The following PTER variants were observed in gnomAD, a reference collection of about 807,000 sequenced individuals.
PTER encodes the protein phosphotriesterase related, also known as N-acetyltaurine hydrolase.
PTER carries 38 observed loss-of-function variants against 29.6 expected under a neutral mutation model. The ratio of observed to expected loss-of-function variants is 1.28; its 90% CI spans 0.99 to 1.68. The LOEUF (loss-of-function observed/expected upper bound fraction) is 1.68, where lower values mean the gene tolerates loss of function less well. PTER is among the 40% of genes most tolerant of loss of function. The pLI, the probability that PTER is intolerant of heterozygous loss-of-function variation, is 0.00. For synonymous variants in PTER, 172 were observed against 154.5 expected, an observed-to-expected ratio of 1.11 and a Z score of -0.84; for missense variants, 482 against 427.8, an observed-to-expected ratio of 1.13 and a Z score of -1.12.
chr10:16,485,095 ATAGT>A (rs1835644275), intron 2 of PTER, among the ~76,000 whole-genome samples: 1 of 152,220 alleles, frequency 6.6e-6, no homozygotes, highest in Admixed American at 6.5e-5. Flanking sequence ...CAACGTGATA[ATAGT>A]TAGATTTGTG....
intron 1 of PTER, among the ~76,000 whole-genome samples, chr10:16,451,891 T>G (rs955252744): frequency 1.3e-5 from 2 of 152,136 alleles, no homozygotes; most frequent in Non-Finnish European, 2.9e-5. Context: ...GCCCTTTAAT[T>G]TTTGGAAACT....
At chr10:16,492,891 G>A (rs1012249296) in intron 3 of PTER, among the ~76,000 whole-genome samples, 1 of 152,194 alleles carries the variant, frequency 6.6e-6, no homozygotes, top group African/African-American at 2.4e-5. Context: ...TTAGGGAACT[G>A]GCCGACAGCA....
chr10:16,499,580 C>G (rs1354289272), intron 3 of PTER, among the ~76,000 whole-genome samples: 1 of 151,794 alleles, frequency 6.6e-6, no homozygotes, highest in Non-Finnish European at 1.5e-5. Flanking sequence ...TAGCTGGGAC[C>G]CCGGGTGTGC....
At chr10:16,490,468 C>G (rs184174326) in intron 3 of PTER, among the ~76,000 whole-genome samples, 1 of 152,040 alleles carries the variant, frequency 6.6e-6, no homozygotes, top group Non-Finnish European at 1.5e-5. Context: ...CAGTTCAAGC[C>G]CAAGCTCTGT....
Position 16,493,628 on chromosome 10 carries a change from AT to A in PTER, c.698+7013del, listed in dbSNP as rs547877228. 1.2e-3 allele frequency among the ~76,000 whole-genome samples: 184 copies of A among 150,996 alleles called. 1 individual carries two copies. The highest frequency in any genetic ancestry group is 4.3e-3 in the African/African-American group (175 of 41,014). On this transcript the variant is annotated intron_variant, in intron 3 of 4. Coordinates refer to ENST00000535784, the MANE Select transcript of PTER (RefSeq NM_001261836.2). ...AAATTTCCCCACCCCTGCCCTAGTT[AT>A]TGTTTACTGTGTATTTTCTCTCAAC...
intron 1 of PTER, among the ~76,000 whole-genome samples, chr10:16,454,977 C>G (rs939637232): frequency 1.3e-5 from 2 of 152,100 alleles, no homozygotes; most frequent in Non-Finnish European, 2.9e-5. Context: ...GCCTGTGATC[C>G]CAGCACTTTG....
At chr10:16,458,751 C>T (rs1330212764) in intron 1 of PTER, among the ~76,000 whole-genome samples, 1 of 152,152 alleles carries the variant, frequency 6.6e-6, no homozygotes, top group East Asian at 1.9e-4. Context: ...AGCTGCTTCT[C>T]CAGATTTGCT....
rs538724828 is a variant in PTER, at chr10:16,505,061, T to C, written c.740T>C (p.Leu247Pro). 5 of 1,614,054 alleles carry C rather than the reference T, an allele frequency of 3.1e-6. No individual in the cohort carries two copies. The East Asian group carries it at 8.9e-5, about 29-fold the overall frequency. Reference sequence around the variant, plus strand: ...AAAGAGCTCTTGGAGTTTGCTCAACTTGGCTGCTACTTGGAATATGATCTC... The same window carrying C: ...AAAGAGCTCTTGGAGTTTGCTCAACCTGGCTGCTACTTGGAATATGATCTC... ...DKKELLEFAQ[L>P]GCYLEYDLFG... Residue 247 changes from leucine (L) to proline (P), a missense_variant, in exon 4 of 5, where the codon CTT (leucine) becomes CCT (proline). Coordinates refer to ENST00000535784, the MANE Select transcript of PTER (RefSeq NM_001261836.2).
At chr10:16,508,170 G>A (rs1264941710) in intron 4 of PTER, among the ~76,000 whole-genome samples, 2 of 147,130 alleles carry the variant, frequency 1.4e-5, no homozygotes, top group African/African-American at 2.5e-5. Context: ...CCAGGTTCAC[G>A]CCATTCTCCT....
intron 1 of PTER, among the ~76,000 whole-genome samples, chr10:16,466,849 G>A (rs1305257989): frequency 1.3e-5 from 2 of 152,098 alleles, no homozygotes; most frequent in Non-Finnish European, 2.9e-5. Flanking sequence ...AAAATTAAAC[G>A]GCCTTAGCAA....
Position 16,486,552 on chromosome 10 carries a change from G to A in PTER, c.633G>A (p.Gln211=). The change falls in exon 3 of 5, where the codon CAG becomes CAA. Residue 211 remains glutamine, a synonymous_variant. Transcript: ENST00000535784. ...GACGGAGCTCCAGGGCACCATTTCA[G>A]ATTATCCGAATATTGCAAGAAGCAG... ...HPGRSSRAPF[Q]IIRILQEAGA... is the part of the protein sequence containing the mutation. 1 of 1,613,940 alleles carries A rather than the reference G, an allele frequency of 6.2e-7. No individual in the cohort carries two copies. The highest frequency in any genetic ancestry group is 2.2e-5 in the East Asian group (1 of 44,868).
At chr10:16,488,648 G>T (rs142047568) in intron 3 of PTER, among the ~76,000 whole-genome samples, 1 of 151,630 alleles carries the variant, frequency 6.6e-6, no homozygotes, top group Non-Finnish European at 1.5e-5. Context: ...CTGTTGCCCA[G>T]GCTGGAGTGC....
At chr10:16,478,720 C>A (rs1835371495) in intron 1 of PTER, among the ~76,000 whole-genome samples, 1 of 152,042 alleles carries the variant, frequency 6.6e-6, no homozygotes, top group Non-Finnish European at 1.5e-5. Flanking sequence ...AGTTTGTAGA[C>A]CACAGTCTAC....
At chr10:16,489,059 A>G (rs184062362) in intron 3 of PTER, among the ~76,000 whole-genome samples, 8 of 152,318 alleles carry the variant, frequency 5.3e-5, no homozygotes, top group Admixed American at 5.2e-4. Context: ...CCAATTTGAT[A>G]TATGTAGGGC....
At chr10:16,514,463 T>A (rs528773119), downstream of PTER, 18 of 1,413,578 alleles carry the variant, frequency 1.3e-5, no homozygotes, top group South Asian at 2.1e-4. Context: ...GATCCTTGAT[T>A]CACTGACGTT....
chr10:16,512,040 T>G lies in PTER; in HGVS notation c.*784T>G, dbSNP rs1836830592. 6.6e-6 allele frequency: 1 copy of G among 151,652 alleles called. No individual in the cohort carries two copies. The highest frequency in any genetic ancestry group is 1.5e-5 in the Non-Finnish European group (1 of 67,944). 9.4% of individuals were successfully genotyped at this position (151,652 alleles called of 1,614,324 possible). A position where few individuals can be genotyped will look rare whatever the true frequency, so the allele number is the denominator to read the frequency against. ...TATAATAACAAAGGCCACAATTTAA[T>G]TAATTGGTAAGATATAATGCAAAAA... On this transcript the variant is annotated 3_prime_UTR_variant, in exon 5 of 5. Coordinates refer to ENST00000535784, the MANE Select transcript of PTER (RefSeq NM_001261836.2).
At chr10:16,448,497 G>A (rs1254215011) in intron 1 of PTER, among the ~76,000 whole-genome samples, 4 of 152,128 alleles carry the variant, frequency 2.6e-5, no homozygotes, top group African/African-American at 4.8e-5. Context: ...CAAATGCAGC[G>A]ACTTGTCCTT....
At chr10:16,459,834 G>A (rs976953073) in intron 1 of PTER, among the ~76,000 whole-genome samples, 2 of 152,014 alleles carry the variant, frequency 1.3e-5, no homozygotes, top group South Asian at 4.1e-4. Flanking sequence ...CACAACCTCC[G>A]CCTCCCGGGT....
At chr10:16,459,657 C>G (rs1834534801) in intron 1 of PTER, among the ~76,000 whole-genome samples, 1 of 152,136 alleles carries the variant, frequency 6.6e-6, no homozygotes, top group Admixed American at 6.6e-5. Context: ...GCTCCTTGGT[C>G]TAAATATAGT....
Sources: allele counts gnomAD v4.1 joint callset (sites outside exome capture counted in the v4.1 genomes callset), GRCh38; gene constraint gnomAD v4.1.1; transcripts MANE v1.5; gene names NCBI Gene and HGNC (gene_info 2026-07-23, HGNC 2026-07-21).